Variants in DOCK9 observed in about 807,000 individuals in gnomAD.
DOCK9 encodes the protein dedicator of cytokinesis protein 9.
Under a neutral mutation model 263.3 loss-of-function variants are expected in DOCK9, and 89 were observed. That is an observed-to-expected ratio of 0.34 (90% CI 0.28 to 0.40). DOCK9 has a LOEUF of 0.40. DOCK9 is among the 10% of genes least tolerant of loss of function. DOCK9 has a pLI of 1.00. For missense variants in DOCK9, 2,140 were observed against 2,603.4 expected (o/e 0.82, Z 3.87); for synonymous variants, 976 against 973.1 (o/e 1.00, Z -0.06).
At chr13:98,797,028 G>T (rs1191792916) in intron 52 of DOCK9, 87 bp downstream of exon 52, 2 of 1,392,618 alleles carry the variant, frequency 1.4e-6, no homozygotes, top group East Asian at 2.3e-5. Context: ...AGTTCTGGAA[G>T]GATATCAGGC....
chr13:98,945,222 T>C (rs2056546613), intron 2 of DOCK9, among the ~76,000 whole-genome samples: 1 of 152,202 alleles, frequency 6.6e-6, no homozygotes, highest in Admixed American at 6.5e-5. Flanking sequence ...AATTTGATAT[T>C]ATATCTGATT....
intron 1 of DOCK9, among the ~76,000 whole-genome samples, chr13:99,016,683 T>C (rs1231911873): frequency 6.6e-6 from 1 of 152,244 alleles, no homozygotes; most frequent in African/African-American, 2.4e-5. Flanking sequence ...AAGTTGACTC[T>C]TGCCATTTTC....
chr13:98,845,521 T>A, intron 38 of DOCK9: 1 of 435,714 alleles, frequency 2.3e-6, no homozygotes, highest in Non-Finnish European at 4.0e-6. Context: ...ATCAATTACA[T>A]GCACAGGATC....
chr13:98,953,312 A>C (rs1158070342), intron 2 of DOCK9, among the ~76,000 whole-genome samples: 1 of 152,222 alleles, frequency 6.6e-6, no homozygotes, highest in African/African-American at 2.4e-5. Context: ...ACAAAATGCT[A>C]GTGAGTTCTT....
chr13:98,819,974 C>A (rs2092158323), intron 45 of DOCK9, among the ~76,000 whole-genome samples: 1 of 152,192 alleles, frequency 6.6e-6, no homozygotes, highest in Non-Finnish European at 1.5e-5. Context: ...ATGGCAAGAC[C>A]TGCTGTTCTG....
At chr13:98,964,386 T>C (rs79499130) in intron 1 of DOCK9, among the ~76,000 whole-genome samples, 1,762 of 152,110 alleles carry the variant, frequency 0.012, 33 homozygotes, top group African/African-American at 0.041. Context: ...GGGTGCTTCT[T>C]AAAGGAGGTT....
upstream of DOCK9, among the ~76,000 whole-genome samples, chr13:98,982,874 G>A (rs567533683): frequency 1.3e-5 from 2 of 152,080 alleles, no homozygotes; most frequent in South Asian, 2.1e-4. Context: ...TTTGCTAGAC[G>A]TTTTTTGAGA....
intron 1 of DOCK9, among the ~76,000 whole-genome samples, chr13:98,987,999 T>C (rs569059038): frequency 6.6e-6 from 1 of 152,282 alleles, no homozygotes; most frequent in East Asian, 1.9e-4. Context: ...TTAACAGTAG[T>C]GTGTCAGAAA....
chr13:98,916,986 T>C (rs1354884512), intron 7 of DOCK9, among the ~76,000 whole-genome samples: 1 of 152,228 alleles, frequency 6.6e-6, no homozygotes, highest in Non-Finnish European at 1.5e-5. Context: ...TCACAACTTT[T>C]GATGCTTAGT....
intron 27 of DOCK9, among the ~76,000 whole-genome samples, chr13:98,878,419 T>C (rs1405090226): frequency 3.9e-5 from 6 of 152,222 alleles, no homozygotes. Context: ...CTCCTCCCCT[T>C]CTTTCCCAGT....
intron 7 of DOCK9, among the ~76,000 whole-genome samples, chr13:98,918,054 G>A (rs941609219): frequency 6.6e-6 from 1 of 152,174 alleles, no homozygotes; most frequent in Non-Finnish European, 1.5e-5. Flanking sequence ...GAAGAAACAG[G>A]ATCTGGACTT....
Position 98,837,574 on chromosome 13 carries a change from A to C in DOCK9, c.4234T>G (p.Ser1412Ala), listed in dbSNP as rs768635643. The part of the protein sequence containing the change: ...GHSDADVLHQ[S>A]LLEANIATEV... ...GTAGCAATGTTGGCTTCAAGTAATG[A>C]CTGGTGCAGAACATCTGCGTCCGAG... The change falls in exon 39 of 53, where the codon TCA (serine) becomes GCA (alanine). Residue 1412 changes from serine to alanine, a missense_variant. Around this residue, in one of 2 missense-constraint regions of DOCK9, gnomAD observed 1,521 missense variants for 1,741.7 expected, o/e 0.87. Coordinates refer to ENST00000682017, the MANE Select transcript of DOCK9 (RefSeq NM_001366683.2). The C allele has an allele frequency of 8.7e-6, 14 of 1,613,856 alleles. No individual in the cohort carries two copies. In the South Asian group the frequency reaches 1.4e-4, roughly 16 times the overall value.
intron 1 of DOCK9, among the ~76,000 whole-genome samples, chr13:99,029,398 C>T: frequency 6.6e-6 from 1 of 152,222 alleles, no homozygotes; most frequent in East Asian, 1.9e-4. Context: ...CAGTTACCTA[C>T]TTATTAACAA....
chr13:99,038,117 T>C (rs1046164701), intron 1 of DOCK9, among the ~76,000 whole-genome samples: 7 of 152,218 alleles, frequency 4.6e-5, no homozygotes, highest in African/African-American at 1.7e-4. Context: ...ATAAAGTGAT[T>C]TGAGGGGAAA....
intron 39 of DOCK9, among the ~76,000 whole-genome samples, chr13:98,837,101 G>C (rs2093032760): frequency 6.6e-6 from 1 of 152,044 alleles, no homozygotes; most frequent in Admixed American, 6.6e-5. Context: ...ACATGTGTCT[G>C]TGTTTATTGC....
rs188808192 is a variant in DOCK9 at position 98,952,899 on chromosome 13, C to T, written c.243+2536G>A. On this transcript the variant is annotated intron_variant, in intron 2 of 52. Transcript: ENST00000682017. ...TCACCCCTCAGCATGCGTTTTGCTG[C>T]TGCCATTTCCTAACCAACTTGGTAT... is the stretch of plus-strand genomic sequence containing the variant. Among the ~76,000 whole-genome samples, 94 of 152,360 alleles carry T rather than the reference C, an allele frequency of 6.2e-4. 1 individual carries two copies. Among genetic ancestry groups the T allele is most frequent in the Non-Finnish European group, 1.0e-3 (70 of 68,042 alleles).
At chr13:99,065,739 G>A (rs1226698518) in intron 1 of DOCK9, among the ~76,000 whole-genome samples, 1 of 152,118 alleles carries the variant, frequency 6.6e-6, no homozygotes, top group Non-Finnish European at 1.5e-5. Flanking sequence ...ACTCTCCAAT[G>A]ATACAATCTT....
chr13:98,863,588 C>G, intron 30 of DOCK9, 40 bp from the exon 31 acceptor site: 1 of 1,544,254 alleles, frequency 6.5e-7, no homozygotes. Context: ...AGGAAAGATG[C>G]AATGCTCTTT....
intron 9 of DOCK9, among the ~76,000 whole-genome samples, chr13:98,912,958 T>G (rs534968017): frequency 6.6e-6 from 1 of 152,280 alleles, no homozygotes; most frequent in Non-Finnish European, 1.5e-5. Flanking sequence ...CAATGCAAAA[T>G]ATGATACACA....
Sources: gnomAD v4.1 joint callset for allele counts (sites outside exome capture counted in the v4.1 genomes callset) on GRCh38, gnomAD v4.1.1 for gene constraint, gnomAD v4.1.1 regional missense constraint, MANE v1.5 for transcripts, NCBI Gene and HGNC (gene_info 2026-07-23, HGNC 2026-07-21) for gene names.